KIF27: variants seen among roughly 807,000 people sequenced by gnomAD.
KIF27 encodes the protein kinesin family member 27, also known as kinesin-like protein KIF27.
Under a neutral mutation model 141.8 loss-of-function variants are expected in KIF27, and 84 were observed. The ratio of observed to expected loss-of-function variants is 0.59; its 90% CI spans 0.50 to 0.71. The LOEUF (loss-of-function observed/expected upper bound fraction) is 0.71, where lower values mean the gene tolerates loss of function less well. KIF27 is among the 30% of genes least tolerant of loss of function. KIF27 has a pLI of 0.00. For synonymous variants in KIF27, 471 were observed against 569.5 expected (o/e 0.83, Z 2.46); for missense variants, 1,306 against 1,628.4 (o/e 0.80, Z 3.41).
intron 3 of KIF27, among the ~76,000 whole-genome samples, chr9:83,907,162 C>T (rs1428478272): frequency 1.2e-4 from 18 of 151,494 alleles, no homozygotes; most frequent in Non-Finnish European, 1.9e-4. Context: ...TGGTGGCGGG[C>T]GCCTGTAGTC....
intron 17 of KIF27, among the ~76,000 whole-genome samples, chr9:83,841,705 C>G (rs1324844738): frequency 6.6e-6 from 1 of 151,960 alleles, no homozygotes; most frequent in Non-Finnish European, 1.5e-5. Flanking sequence ...TTTATTTTTG[C>G]AAAGTATATT....
In KIF27 at chr9:83,867,698, A is replaced by G. The variant is rs776495144; in HGVS notation, c.2920T>C (p.Leu974=). 1 of 1,601,836 alleles carries G rather than the reference A, an allele frequency of 6.2e-7. No homozygotes were observed. Among genetic ancestry groups the G allele is most frequent in the East Asian group, 2.2e-5 (1 of 44,778 alleles). The change falls in exon 13 of 18, where the codon TTG becomes CTG. Residue 974 remains leucine (L), a synonymous_variant. Transcript: ENST00000297814. ...AAACAGAATACCTGACTAGATCTCAATTTCTTATTTTCCAGGTGACTCTTC... is the reference window on the plus strand; with the variant it reads ...AAACAGAATACCTGACTAGATCTCAGTTTCTTATTTTCCAGGTGACTCTTC... ...QEKSHLENKK[L]RSSQALNTDS...
At chr9:83,904,375 C>CT (rs5898838) in intron 3 of KIF27, among the ~76,000 whole-genome samples, 23,951 of 149,968 alleles carry the variant, frequency 0.16, 2,081 homozygotes, top group African/African-American at 0.23. Flanking sequence ...TAGATTAATC[C>CT]TTTTTTTTTT....
At position 83,891,478 on chromosome 9, in the gene KIF27, T is replaced by C; in HGVS notation, c.1626A>G (p.Gln542=). Residue 542 remains glutamine (Q), a synonymous_variant, in exon 6 of 18, where the codon CAA becomes CAG. Coordinates refer to ENST00000297814, the MANE Select transcript of KIF27 (RefSeq NM_017576.4). ...RLQNEKIIEQ[Q]LLVDQLSEEL... ...CTTCACTCAGTTGATCCACAAGAAG[T>C]TGTTGTTCTATTATTTTTTCATTCT... is the stretch of plus-strand genomic sequence containing the variant. 3 of 1,612,846 alleles carry C rather than the reference T, an allele frequency of 1.9e-6. No individual in the cohort carries two copies. Among genetic ancestry groups the C allele is most frequent in the Non-Finnish European group, 2.5e-6 (3 of 1,179,358 alleles).
Position 83,891,288 on chromosome 9 carries a change from A to G in KIF27, c.1809+7T>C. The G allele has an allele frequency of 1.2e-6, 2 of 1,608,786 alleles. No homozygotes were observed. The highest frequency in any genetic ancestry group is 1.7e-6 in the Non-Finnish European group (2 of 1,176,860). The stretch of plus-strand genomic sequence containing the variant: ...TCCAAATAAGGAAAAGATTGTTTGG[A>G]CTTTACCTTCCTGGAATCTTGTCTT... On this transcript the variant is annotated splice_region_variant and intron_variant, in intron 6 of 17. Transcript: ENST00000297814.
intron 15 of KIF27, among the ~76,000 whole-genome samples, chr9:83,850,762 T>A (rs890791959): frequency 1.8e-4 from 26 of 147,442 alleles, no homozygotes; most frequent in Non-Finnish European, 3.3e-4. Flanking sequence ...CCAGCCTGGG[T>A]GCAAGAGCAA....
intron 2 of KIF27, among the ~76,000 whole-genome samples, chr9:83,909,839 G>C (rs914064281): frequency 1.3e-5 from 2 of 152,052 alleles, no homozygotes; most frequent in Admixed American, 6.6e-5. Flanking sequence ...GAGGTGGGTG[G>C]ACCGCTTGAG....
intron 16 of KIF27, among the ~76,000 whole-genome samples, chr9:83,844,779 A>T (rs974288117): frequency 3.0e-4 from 46 of 152,174 alleles, no homozygotes; most frequent in African/African-American, 1.0e-3. Flanking sequence ...CCTCAGTAAA[A>T]TTTCTAGGGG....
intron 12 of KIF27, chr9:83,868,309 C>A (rs1349939791): frequency 3.3e-5 from 5 of 153,012 alleles, no homozygotes; most frequent in African/African-American, 1.2e-4. Flanking sequence ...GGTATATTGC[C>A]TGGGCCACAG....
intron 17 of KIF27, among the ~76,000 whole-genome samples, chr9:83,839,778 A>G (rs1471240256): frequency 1.3e-5 from 2 of 152,040 alleles, no homozygotes; most frequent in Non-Finnish European, 2.9e-5. Flanking sequence ...CATGGTCTCT[A>G]CTAAAAATAC....
At chr9:83,912,716 A>G (rs1451470063) in intron 2 of KIF27, among the ~76,000 whole-genome samples, 1 of 152,200 alleles carries the variant, frequency 6.6e-6, no homozygotes, top group African/African-American at 2.4e-5. Flanking sequence ...GAAAACCTGC[A>G]AAGTTTTATA....
chr9:83,859,399 CA>C, intron 13 of KIF27, 28 bp from the exon 14 acceptor site: 3 of 1,507,316 alleles, frequency 2.0e-6, no homozygotes, highest in Non-Finnish European at 2.8e-6. Flanking sequence ...CCAGCCACCT[CA>C]AAAACAGTTA....
chr9:83,849,756 T>C (rs929581612), intron 16 of KIF27, among the ~76,000 whole-genome samples: 5 of 152,316 alleles, frequency 3.3e-5, no homozygotes, highest in South Asian at 4.1e-4. Flanking sequence ...GATAGTATTA[T>C]ATCCCTGAGA....
chr9:83,903,297 T>C lies in KIF27; in HGVS notation c.1221A>G (p.Glu407=). 6.2e-7 allele frequency: 1 copy of C among 1,614,222 alleles called. No homozygotes were observed. The highest frequency in any genetic ancestry group is 8.5e-7 in the Non-Finnish European group (1 of 1,180,018). ...LEEQVAQLQG[E]CLGYQCCVEE... Reference sequence around the variant, plus strand: ...CTACACAACACTGGTAACCCAGACATTCTCCTTGAAGCTGAGCTACTTGCT... The same window carrying C: ...CTACACAACACTGGTAACCCAGACACTCTCCTTGAAGCTGAGCTACTTGCT... Residue 407 remains glutamate (E), a synonymous_variant, in exon 4 of 18, where the codon GAA becomes GAG. Transcript: ENST00000297814.
chr9:83,911,168 G>A (rs1354776047), intron 2 of KIF27, among the ~76,000 whole-genome samples: 1 of 152,170 alleles, frequency 6.6e-6, no homozygotes, highest in East Asian at 1.9e-4. Context: ...CCGGGCTCAG[G>A]CGATCCTCCC....
chr9:83,920,943 G>C (rs1193765836), intron 1 of KIF27, among the ~76,000 whole-genome samples: 1 of 152,008 alleles, frequency 6.6e-6, no homozygotes, highest in Admixed American at 6.5e-5. Context: ...AAAGACGCCT[G>C]CGATAAAACA....
At chr9:83,882,500 T>C (rs1951761023) in intron 10 of KIF27, among the ~76,000 whole-genome samples, 1 of 152,198 alleles carries the variant, frequency 6.6e-6, no homozygotes, top group African/African-American at 2.4e-5. Context: ...CTTCAAAGGA[T>C]TAAATAATGC....
chr9:83,839,602 T>G (rs1946324464), intron 17 of KIF27, among the ~76,000 whole-genome samples: 1 of 152,214 alleles, frequency 6.6e-6, no homozygotes, highest in African/African-American at 2.4e-5. Flanking sequence ...TTCTGCAATT[T>G]GAAAATGCCA....
chr9:83,856,499 T>C (rs1348884809), intron 14 of KIF27, among the ~76,000 whole-genome samples: 1 of 151,664 alleles, frequency 6.6e-6, no homozygotes, highest in Non-Finnish European at 1.5e-5. Flanking sequence ...TCCCAGCACT[T>C]TGGGAAGCCG....
Sources: gnomAD v4.1 joint callset for allele counts (sites outside exome capture counted in the v4.1 genomes callset) on GRCh38, gnomAD v4.1.1 for gene constraint, MANE v1.5 for transcripts, NCBI Gene and HGNC (gene_info 2026-07-23, HGNC 2026-07-21) for gene names.